The following GABRA3 variants were observed in gnomAD, a reference collection of about 807,000 sequenced individuals.
GABRA3 encodes the protein gamma-aminobutyric acid receptor subunit alpha-3.
Under a neutral mutation model 30.1 loss-of-function variants are expected in GABRA3, and 10 were observed. The observed-to-expected ratio is 0.33, with a 90% CI of 0.20 to 0.56. The LOEUF is 0.56. GABRA3 is among the 20% of genes least tolerant of loss of function. The pLI, the probability that GABRA3 is intolerant of heterozygous loss-of-function variation, is 0.89. For missense variants in GABRA3, 233 were observed against 392.0 expected (o/e 0.59, Z 3.42); for synonymous variants, 151 against 146.8 (o/e 1.03, Z -0.21).
At chrX:152,318,924 G>A (rs904019958) in intron 3 of GABRA3, among the ~76,000 whole-genome samples, 1 of 111,196 alleles carries the variant, frequency 9.0e-6, no homozygotes, top group Non-Finnish European at 1.9e-5. Flanking sequence ...CTGAGAACTG[G>A]AACAAGACAA....
intron 5 of GABRA3, among the ~76,000 whole-genome samples, chrX:152,237,883 A>G (rs1213101463): frequency 9.1e-6 from 1 of 110,209 alleles, no homozygotes; most frequent in African/African-American, 3.3e-5. Flanking sequence ...CAGCTTAAGG[A>G]TATTTTGGGC....
At chrX:152,289,725 T>G (rs1452509823) in intron 3 of GABRA3, among the ~76,000 whole-genome samples, 1 of 109,459 alleles carries the variant, frequency 9.1e-6, no homozygotes, top group African/African-American at 3.3e-5. Context: ...GTCCAGGTGC[T>G]TTCACTGTTA....
At chrX:152,360,757 A>T (rs866896131) in intron 2 of GABRA3, among the ~76,000 whole-genome samples, 9 of 70,649 alleles carry the variant, frequency 1.3e-4, no homozygotes, top group South Asian at 6.1e-4. Context: ...AAAATAAATT[A>T]AAAAAAAAAA....
chrX:152,280,116 C>G (rs986961915), intron 4 of GABRA3, among the ~76,000 whole-genome samples: 45 of 111,198 alleles, frequency 4.0e-4, no homozygotes, highest in Non-Finnish European at 7.9e-4. Context: ...CTTCTCCTGC[C>G]TGATTGCCCT....
Position 152,329,708 on chromosome X carries a change from A to T in GABRA3, c.262+15873T>A, listed in dbSNP as rs780058787. Among the ~76,000 whole-genome samples the T allele has an allele frequency of 7.1e-5, 8 of 112,365 alleles. No homozygotes were observed. In the South Asian group the frequency reaches 2.9e-3, roughly 41 times the overall value. ...CACAAAAATTAATTCAGGATGGATT[A>T]AAGACTTAAATGTTAGACCTAGAAC... On this transcript the variant is annotated intron_variant, in intron 3 of 9. Coordinates refer to ENST00000370314, the MANE Select transcript of GABRA3 (RefSeq NM_000808.4).
At chrX:152,438,970 C>T (rs996744517) in intron 1 of GABRA3, among the ~76,000 whole-genome samples, 23 of 109,994 alleles carry the variant, frequency 2.1e-4, no homozygotes, top group Non-Finnish European at 3.6e-4. Context: ...AAGCTATAGA[C>T]GTGAGTTAAT....
intron 4 of GABRA3, among the ~76,000 whole-genome samples, chrX:152,270,261 C>T (rs182296887): frequency 6.3e-5 from 7 of 111,165 alleles, no homozygotes; most frequent in African/African-American, 9.8e-5. Flanking sequence ...GCTTTCCCCC[C>T]CTTTACTTGA....
chrX:152,315,970 GA>G (rs1939869744), intron 3 of GABRA3, among the ~76,000 whole-genome samples: 2 of 19,800 alleles, frequency 1.0e-4, no homozygotes, highest in Non-Finnish European at 7.8e-5. Flanking sequence ...CCCGCCCCCC[GA>G]CCCCCCCCCC....
intron 6 of GABRA3, among the ~76,000 whole-genome samples, chrX:152,215,950 G>T (rs1937712317): frequency 9.0e-6 from 1 of 111,096 alleles, no homozygotes; most frequent in Non-Finnish European, 1.9e-5. Context: ...TCTCTCAAAA[G>T]AAGATATACA....
At chrX:152,222,862 CT>C (rs371117227) in intron 6 of GABRA3, among the ~76,000 whole-genome samples, 5,067 of 100,590 alleles carry the variant, frequency 0.05, 118 homozygotes, top group African/African-American at 0.088. Context: ...TCTAGCATGT[CT>C]TTTTTTTTTT....
At chrX:152,268,442 C>T (rs1052661920) in intron 4 of GABRA3, among the ~76,000 whole-genome samples, 3 of 112,394 alleles carry the variant, frequency 2.7e-5, no homozygotes, top group Non-Finnish European at 3.8e-5. Flanking sequence ...TGTCCCTTTG[C>T]TCTTCCTTTG....
At chrX:152,382,429 G>A (rs1344860884) in intron 1 of GABRA3, among the ~76,000 whole-genome samples, 1 of 112,143 alleles carries the variant, frequency 8.9e-6, no homozygotes, top group Non-Finnish European at 1.9e-5. Flanking sequence ...CCATTACTGG[G>A]TATATACCCA....
intron 9 of GABRA3, among the ~76,000 whole-genome samples, chrX:152,179,269 T>C (rs986224830): frequency 1.8e-5 from 2 of 111,921 alleles, no homozygotes; most frequent in Admixed American, 1.9e-4. Flanking sequence ...AATTAACATA[T>C]GCATTGCCTC....
chrX:152,275,343 T>C (rs1470926349), intron 4 of GABRA3, among the ~76,000 whole-genome samples: 7 of 2,513 alleles, frequency 2.8e-3, no homozygotes, highest in African/African-American at 9.0e-3. Flanking sequence ...TAATATTATA[T>C]ATAATAAATA....
chrX:152,427,987 G>T (rs1930553345), intron 1 of GABRA3, among the ~76,000 whole-genome samples: 1 of 112,005 alleles, frequency 8.9e-6, no homozygotes, highest in Non-Finnish European at 1.9e-5. Context: ...CATATATATT[G>T]CTTATATTAC....
Position 152,252,035 on chromosome X carries a change from G to A in GABRA3, c.551+3743C>T, listed in dbSNP as rs764730315. Among the ~76,000 whole-genome samples, 4 of 111,013 alleles carry A rather than the reference G, an allele frequency of 3.6e-5. No homozygotes were observed. In the South Asian group the frequency reaches 1.5e-3, roughly 42 times the overall value. The stretch of plus-strand genomic sequence containing the variant: ...TATTTCTCCTATATCTTCTATCTTT[G>A]TCTTCCTACTGACTCTTTTGTACTA... On this transcript the variant is annotated intron_variant, in intron 5 of 9. Transcript: ENST00000370314.
At chrX:152,205,012 G>A (rs901091582) in intron 7 of GABRA3, among the ~76,000 whole-genome samples, 2 of 111,465 alleles carry the variant, frequency 1.8e-5, no homozygotes, top group South Asian at 3.8e-4. Context: ...GCACGCACGC[G>A]TGTGTGTGTG....
chrX:152,392,785 C>T (rs933960538), intron 1 of GABRA3, among the ~76,000 whole-genome samples: 5 of 112,207 alleles, frequency 4.5e-5, no homozygotes, highest in Non-Finnish European at 9.4e-5. Flanking sequence ...TACACTATTA[C>T]GTAGCATTTA....
At chrX:152,252,575 G>A (rs1448143632) in intron 5 of GABRA3, among the ~76,000 whole-genome samples, 1 of 111,244 alleles carries the variant, frequency 9.0e-6, no homozygotes, top group Non-Finnish European at 1.9e-5. Context: ...CATATTTTAA[G>A]TACTATATTG....
Sources: allele counts gnomAD v4.1 joint callset (sites outside exome capture counted in the v4.1 genomes callset), GRCh38; gene constraint gnomAD v4.1.1; transcripts MANE v1.5; gene names NCBI Gene and HGNC (gene_info 2026-07-23, HGNC 2026-07-21).